The following SH3BP2 variants were observed in gnomAD, a reference collection of about 807,000 sequenced individuals.
SH3BP2 encodes the protein SH3 domain binding protein 2.
A neutral mutation model predicts 56.2 loss-of-function variants in SH3BP2; 38 were observed. The ratio of observed to expected loss-of-function variants is 0.68; its 90% CI spans 0.52 to 0.89. The LOEUF (loss-of-function observed/expected upper bound fraction) is 0.89, where lower values mean the gene tolerates loss of function less well. SH3BP2 is among the 40% of genes least tolerant of loss of function. The pLI is 0.00. For missense variants in SH3BP2, 748 were observed against 762.6 expected (o/e 0.98, Z 0.23); for synonymous variants, 346 against 316.7 (o/e 1.09, Z -0.98).
At chr4:2,817,936 G>A (rs1724074260) in intron 1 of SH3BP2, 1 of 152,400 alleles carries the variant, frequency 6.6e-6, no homozygotes, top group Non-Finnish European at 1.5e-5. Flanking sequence ...TTCCAACCAA[G>A]CTGTGTGGAC....
chr4:2,803,486 T>C (rs1008230344), intron 1 of SH3BP2, among the ~76,000 whole-genome samples: 3 of 152,196 alleles, frequency 2.0e-5, no homozygotes, highest in African/African-American at 4.8e-5. Context: ...CTGTTGCTAA[T>C]AAGCGTGGAG....
chr4:2,804,228 G>A (rs1226618788), intron 1 of SH3BP2, among the ~76,000 whole-genome samples: 1 of 152,178 alleles, frequency 6.6e-6, no homozygotes, highest in Non-Finnish European at 1.5e-5. Flanking sequence ...CCGAGTCTCT[G>A]CGGATGCGTG....
chr4:2,833,678 C>G lies in SH3BP2; in HGVS notation c.1549-19C>G, dbSNP rs1449962815. The G allele has an allele frequency of 1.2e-6, 2 of 1,607,302 alleles. No homozygotes were observed. The highest frequency in any genetic ancestry group is 1.7e-6 in the Non-Finnish European group (2 of 1,177,028). ...AGTGGCCTGGCCCTGCTGACGCTCC[C>G]CCTTCTCTTCCCCCACAGGACTCTA... On this transcript the variant is annotated intron_variant, in intron 12 of 12. Coordinates refer to ENST00000503393, the MANE Select transcript of SH3BP2 (RefSeq NM_001122681.2).
rs201339036 is a variant in SH3BP2 at position 2,800,551 on chromosome 4, C to CG, written c.-5+7413_-5+7414insG. Among the ~76,000 whole-genome samples, 630 of 75,852 alleles carry CG rather than the reference C, an allele frequency of 8.3e-3. 6 individuals are homozygous for CG. Among genetic ancestry groups the CG allele is most frequent in the African/African-American group, 0.062 (599 of 9,674 alleles). The allele number at this position is 75,852 out of a possible 152,430, so 49.8% of individuals were successfully genotyped here. A position where few individuals can be genotyped will look rare whatever the true frequency, so the allele number is the denominator to read the frequency against. ...GTGGAGGTGCTTGTCCTGTGACCGC[C>CG]CCCCCCCCGGGCTGATGACGGGCCA... On this transcript the variant is annotated intron_variant, in intron 1 of 12. Coordinates refer to ENST00000503393, the MANE Select transcript of SH3BP2 (RefSeq NM_001122681.2).
intron 1 of SH3BP2, chr4:2,812,077 A>G: frequency 1.0e-6 from 1 of 967,132 alleles, no homozygotes. Context: ...CTGGAGCCAG[A>G]GAGCCCTGGC....
In SH3BP2 at chr4:2,831,356, C is replaced by T. The variant is rs1019480978; in HGVS notation, c.1242-215C>T. Among the ~76,000 whole-genome samples, 4 of 152,220 alleles carry T rather than the reference C, an allele frequency of 2.6e-5. No individual in the cohort carries two copies. Among genetic ancestry groups the T allele is most frequent in the Admixed American group, 6.5e-5 (1 of 15,288 alleles). ...TTGCCAGCATCCATGGCAGCCCTGACCCCTGACTCCGGTGTCGGGCGATTC... is the reference window on the plus strand; with the variant it reads ...TTGCCAGCATCCATGGCAGCCCTGATCCCTGACTCCGGTGTCGGGCGATTC... On this transcript the variant is annotated intron_variant, in intron 8 of 12. Transcript: ENST00000503393. The surrounding 1 kb of genome is among the most constrained non-coding windows in gnomAD (Gnocchi z 4.1).
intron 1 of SH3BP2, among the ~76,000 whole-genome samples, chr4:2,800,238 G>A (rs1365338816): frequency 1.3e-5 from 2 of 152,140 alleles, no homozygotes; most frequent in South Asian, 2.1e-4. Context: ...ACTGTCCCCG[G>A]CTCAGTCTCC....
chr4:2,799,003 G>T, intron 1 of SH3BP2: 1 of 985,630 alleles, frequency 1.0e-6, no homozygotes, highest in Non-Finnish European at 1.2e-6. Flanking sequence ...GCAGCACGGG[G>T]CCTGGGAAAC....
rs915080808 is a variant in SH3BP2 at position 2,811,832 on chromosome 4, AG to A, written c.-4-8781del. 6.4e-5 allele frequency: 11 copies of A among 171,274 alleles called. 1 individual carries two copies. Among genetic ancestry groups the A allele is most frequent in the Admixed American group, 5.5e-4 (10 of 18,170 alleles). 10.6% of individuals were successfully genotyped at this position (171,274 alleles called of 1,614,324 possible). A position where few individuals can be genotyped will look rare whatever the true frequency, so the allele number is the denominator to read the frequency against. ...CATAGAACCGGGTGCAAGACATAAC[AG>A]CCCTCTGTGTGGCCTCAGATGGCAG... On this transcript the variant is annotated intron_variant, in intron 1 of 12. Coordinates refer to ENST00000503393, the MANE Select transcript of SH3BP2 (RefSeq NM_001122681.2).
rs1271446828 is a variant in SH3BP2, at chr4:2,831,882, A to G, written c.1351-41A>G. Reference sequence around the variant, plus strand: ...GTCCGGGGAGTGGTGGTGCGGGTGGATCACTCCGACGTTGGCACTGACACC... The same window carrying G: ...GTCCGGGGAGTGGTGGTGCGGGTGGGTCACTCCGACGTTGGCACTGACACC... On this transcript the variant is annotated intron_variant, in intron 9 of 12. Transcript: ENST00000503393. This position sits in a 1 kb window ranked among gnomAD's most constrained non-coding sequence, Gnocchi z 4.1. The G allele has an allele frequency of 2.5e-6, 4 of 1,606,392 alleles. No homozygotes were observed. The highest frequency in any genetic ancestry group is 3.4e-6 in the Non-Finnish European group (4 of 1,176,304).
intron 1 of SH3BP2, chr4:2,818,730 TG>T (rs1252948337): frequency 2.0e-6 from 2 of 990,884 alleles, no homozygotes; most frequent in Non-Finnish European, 2.4e-6. Context: ...GGCCTGTGGT[TG>T]GGGGTCCTGC....
intron 1 of SH3BP2, among the ~76,000 whole-genome samples, chr4:2,807,969 C>A (rs986837361): frequency 2.0e-5 from 3 of 152,190 alleles, no homozygotes; most frequent in Non-Finnish European, 4.4e-5. Context: ...CCCTGACAGG[C>A]ACGCCCACAC....
chr4:2,800,605 A>G (rs935677340), intron 1 of SH3BP2, among the ~76,000 whole-genome samples: 38 of 146,126 alleles, frequency 2.6e-4, no homozygotes, highest in Non-Finnish European at 4.7e-4. Context: ...GGCTCTGGGG[A>G]GGCTGTCTCG....
In SH3BP2 at chr4:2,833,971, C is replaced by G. The variant is rs1577374143; in HGVS notation, c.*137C>G. The G allele has an allele frequency of 2.8e-6, 3 of 1,056,336 alleles. No homozygotes were observed. The highest frequency in any genetic ancestry group is 2.6e-5 in the East Asian group (1 of 38,252). The allele number at this position is 1,056,336 out of a possible 1,614,324, so 65.4% of individuals were successfully genotyped here. ...CCTAGGGCCTCTGTGATGGACATCT[C>G]GTAGGACCCAGCCAGTCTCATCCAG... is the stretch of plus-strand genomic sequence containing the variant. On this transcript the variant is annotated 3_prime_UTR_variant, in exon 13 of 13. Transcript: ENST00000503393.
chr4:2,812,556 C>G (rs1045913708), intron 1 of SH3BP2: 2 of 1,484,370 alleles, frequency 1.3e-6, no homozygotes, highest in Admixed American at 2.2e-5. Flanking sequence ...GGGGGCCCCA[C>G]GTGGGAGCCA....
chr4:2,819,098 T>C (rs1724161134), intron 1 of SH3BP2: 1 of 162,126 alleles, frequency 6.2e-6, no homozygotes, highest in African/African-American at 2.4e-5. Context: ...CAGCTAATTA[T>C]TTTTTAGAGA....
chr4:2,827,585 C>G, intron 6 of SH3BP2, 21 bp from the exon 7 acceptor site: 1 of 1,577,304 alleles, frequency 6.3e-7, no homozygotes, highest in South Asian at 1.2e-5. Context: ...TGGCTCTCAC[C>G]ACCCCCCTCT....
intron 1 of SH3BP2, among the ~76,000 whole-genome samples, chr4:2,804,187 T>G (rs1723437123): frequency 6.6e-6 from 1 of 152,202 alleles, no homozygotes; most frequent in Non-Finnish European, 1.5e-5. Context: ...GGTCTCCTTC[T>G]GTCCCGGCAC....
intron 1 of SH3BP2, among the ~76,000 whole-genome samples, chr4:2,815,197 G>A (rs772842780): frequency 1.3e-5 from 2 of 152,208 alleles, no homozygotes; most frequent in Non-Finnish European, 2.9e-5. Flanking sequence ...AGCCTGGCCT[G>A]GCACTGGGCT....
Sources: gnomAD v4.1 joint callset for allele counts (sites outside exome capture counted in the v4.1 genomes callset) on GRCh38, gnomAD v4.1.1 for gene constraint, Gnocchi (gnomAD v3.1) non-coding constraint, MANE v1.5 for transcripts, NCBI Gene and HGNC (gene_info 2026-07-23, HGNC 2026-07-21) for gene names.